ESRRG: variants seen among roughly 807,000 people sequenced by gnomAD.
The protein encoded by ESRRG is estrogen related receptor gamma.
Under a neutral mutation model 44.0 loss-of-function variants are expected in ESRRG, and 13 were observed. The ratio of observed to expected loss-of-function variants is 0.30; its 90% CI spans 0.19 to 0.47. The LOEUF (loss-of-function observed/expected upper bound fraction) is 0.47. Ranked by LOEUF, ESRRG falls within the 20% of genes least tolerant of loss-of-function variation. The pLI, the probability that ESRRG is intolerant of heterozygous loss-of-function variation, is 1.00. For synonymous variants in ESRRG, 215 were observed against 214.6 expected (o/e 1.00, Z -0.02); for missense variants, 395 against 580.6 (o/e 0.68, Z 3.29).
chr1:217,089,334 T>C (rs1033505734), intron 1 of ESRRG, among the ~76,000 whole-genome samples: 19 of 149,212 alleles, frequency 1.3e-4, no homozygotes, highest in Non-Finnish European at 2.2e-4. Flanking sequence ...GCAGTACTTA[T>C]GGTTGTGTTA....
At chr1:217,042,473 AACACACACACACACACACAC>A (rs140559927) in intron 1 of ESRRG, among the ~76,000 whole-genome samples, 1 of 138,972 alleles carries the variant, frequency 7.2e-6, no homozygotes, top group Admixed American at 7.4e-5. Context: ...TACACACACA[AACACACACACACACACACAC>A]ACACACACAC....
intron 1 of ESRRG, among the ~76,000 whole-genome samples, chr1:216,998,659 A>C (rs1274294262): frequency 6.6e-6 from 1 of 152,262 alleles, no homozygotes; most frequent in Non-Finnish European, 1.5e-5. Context: ...AGCAATGTGC[A>C]TATATGAGGA....
intron 1 of ESRRG, among the ~76,000 whole-genome samples, chr1:217,132,408 A>T (rs1370843168): frequency 2.6e-5 from 4 of 152,170 alleles, no homozygotes; most frequent in Non-Finnish European, 5.9e-5. Context: ...CTGGTAGAGA[A>T]GGAAGGACGG....
chr1:216,966,976 C>A (rs894159228), intron 1 of ESRRG, among the ~76,000 whole-genome samples: 1 of 152,152 alleles, frequency 6.6e-6, no homozygotes. Flanking sequence ...AGCACTCCAG[C>A]CTTGTGTACA....
intron 2 of ESRRG, among the ~76,000 whole-genome samples, chr1:216,802,746 T>C (rs1198807631): frequency 6.6e-6 from 1 of 152,140 alleles, no homozygotes; most frequent in African/African-American, 2.4e-5. Flanking sequence ...ATCAAAATGA[T>C]GACCAAGAAG....
intron 1 of ESRRG, among the ~76,000 whole-genome samples, chr1:217,052,434 C>G (rs2086232253): frequency 6.6e-6 from 1 of 152,166 alleles, no homozygotes; most frequent in South Asian, 2.1e-4. Context: ...GAATCTCCAT[C>G]TGTAAATCAC....
At chr1:216,543,552 C>T (rs940512724) in intron 5 of ESRRG, among the ~76,000 whole-genome samples, 3 of 151,952 alleles carry the variant, frequency 2.0e-5, no homozygotes, top group Admixed American at 1.3e-4. Flanking sequence ...ATTGTTGCCT[C>T]TTAGAGGCTT....
chr1:217,024,312 T>C (rs1038573968), intron 1 of ESRRG, among the ~76,000 whole-genome samples: 15 of 151,286 alleles, frequency 9.9e-5, no homozygotes, highest in African/African-American at 4.9e-5. Flanking sequence ...GAGCCGAGAT[T>C]GCACCACTGC....
intron 2 of ESRRG, among the ~76,000 whole-genome samples, chr1:216,854,387 A>T (rs1367383581): frequency 6.6e-6 from 1 of 151,402 alleles, no homozygotes; most frequent in African/African-American, 2.4e-5. Context: ...AAGCAAAGAA[A>T]AAAAAGAAAA....
At chr1:216,925,735 G>A (rs1364654838) in intron 2 of ESRRG, among the ~76,000 whole-genome samples, 1 of 151,940 alleles carries the variant, frequency 6.6e-6, no homozygotes, top group Non-Finnish European at 1.5e-5. Context: ...AGGATCGCCT[G>A]AGGTCAGGAG....
intron 2 of ESRRG, among the ~76,000 whole-genome samples, chr1:216,771,418 G>A (rs1239404740): frequency 6.6e-6 from 1 of 152,058 alleles, no homozygotes; most frequent in East Asian, 1.9e-4. Context: ...TATCTAATAA[G>A]TAAAATATGT....
At chr1:216,879,750 A>C (rs1018701642) in intron 2 of ESRRG, among the ~76,000 whole-genome samples, 2 of 152,156 alleles carry the variant, frequency 1.3e-5, no homozygotes, top group Non-Finnish European at 2.9e-5. Context: ...CTAGAGTAGG[A>C]GAATTTAGCA....
intron 1 of ESRRG, chr1:216,707,457 T>A (rs780165433): frequency 1.2e-5 from 19 of 1,535,276 alleles, no homozygotes; most frequent in Admixed American, 2.0e-5. Flanking sequence ...AATTCCTAAT[T>A]ACATTCATGA....
chr1:216,773,300 G>A (rs1576385728), intron 2 of ESRRG, among the ~76,000 whole-genome samples: 1 of 152,118 alleles, frequency 6.6e-6, no homozygotes, highest in East Asian at 1.9e-4. Context: ...TTTGCACACA[G>A]ATATAGCTTG....
intron 1 of ESRRG, among the ~76,000 whole-genome samples, chr1:217,046,759 T>C (rs2084952989): frequency 6.6e-6 from 1 of 152,066 alleles, no homozygotes; most frequent in African/African-American, 2.4e-5. Context: ...GGTATGCACC[T>C]GTAGTCCCAA....
chr1:217,034,401 C>T (rs994436710), intron 1 of ESRRG, among the ~76,000 whole-genome samples: 14 of 152,214 alleles, frequency 9.2e-5, no homozygotes, highest in Non-Finnish European at 7.4e-5. Flanking sequence ...GTTTGAGACA[C>T]GTTCTTTTGA....
intron 2 of ESRRG, among the ~76,000 whole-genome samples, chr1:216,672,541 T>C (rs1336428979): frequency 1.3e-5 from 2 of 152,176 alleles, no homozygotes; most frequent in East Asian, 3.8e-4. Flanking sequence ...AACGTATATA[T>C]TTATTACACA....
intron 1 of ESRRG, among the ~76,000 whole-genome samples, chr1:217,081,084 C>T (rs1437290823): frequency 6.6e-6 from 1 of 152,130 alleles, no homozygotes; most frequent in African/African-American, 2.4e-5. Flanking sequence ...GCTTTTTATA[C>T]ATATATAATC....
intron 2 of ESRRG, among the ~76,000 whole-genome samples, chr1:216,756,348 C>A (rs1283827176): frequency 6.6e-6 from 1 of 151,864 alleles, no homozygotes; most frequent in African/African-American, 2.4e-5. Flanking sequence ...GGAAATGTGC[C>A]ATTTCTTGGT....
Sources: gnomAD v4.1 joint callset for allele counts (sites outside exome capture counted in the v4.1 genomes callset) on GRCh38, gnomAD v4.1.1 for gene constraint, MANE v1.5 for transcripts, NCBI Gene and HGNC (gene_info 2026-07-23, HGNC 2026-07-21) for gene names.